XXYLT1: variants seen among roughly 807,000 people sequenced by gnomAD.
XXYLT1 encodes the protein UDP-xylose:alpha-xyloside alpha-1,3-xylosyltransferase.
In XXYLT1, 20 loss-of-function variants were observed where a neutral mutation model predicts 28.9. The observed-to-expected ratio is 0.69, with a 90% confidence interval of 0.49 to 1.00. The LOEUF (loss-of-function observed/expected upper bound fraction) is 1.00. Among genes scored for constraint, XXYLT1 ranks in the 50% least tolerant of loss-of-function variants. The pLI is 0.00. For synonymous variants in XXYLT1, 257 were observed against 253.8 expected (o/e 1.01, Z -0.12); for missense variants, 542 against 560.1 (o/e 0.97, Z 0.33).
intron 3 of XXYLT1, among the ~76,000 whole-genome samples, chr3:195,126,348 G>A (rs1297362965): frequency 6.6e-6 from 1 of 152,252 alleles, no homozygotes; most frequent in Non-Finnish European, 1.5e-5. Context: ...CAGGTCAGAA[G>A]TTGCCTTCCC....
intron 2 of XXYLT1, among the ~76,000 whole-genome samples, chr3:195,157,242 CAAAAAAAA>C (rs34312884): frequency 2.7e-5 from 2 of 73,820 alleles, no homozygotes; most frequent in African/African-American, 5.6e-5. Flanking sequence ...GGCGCCATCT[CAAAAAAAA>C]AAAAAAAAAA....
In XXYLT1 at chr3:195,076,495, CCT is replaced by C. The variant is rs1241546159; in HGVS notation, c.786-6386_786-6385del. On this transcript the variant is annotated intron_variant, in intron 3 of 3. Transcript: ENST00000310380. This position sits in a 1 kb window ranked among gnomAD's most constrained non-coding sequence, Gnocchi z 5.3. ...AAGCCAAGCATTCTGGAGAGTTGCC[CCT>C]GTTACAGCCTGCACAGTGGGCCTCA... is the stretch of plus-strand genomic sequence containing the variant. Among the ~76,000 whole-genome samples, 5 of 152,146 alleles carry C rather than the reference CCT, an allele frequency of 3.3e-5. No individual in the cohort carries two copies. The highest frequency in any genetic ancestry group is 7.3e-5 in the Non-Finnish European group (5 of 68,030).
chr3:195,167,356 C>T (rs1560131105), intron 2 of XXYLT1, among the ~76,000 whole-genome samples: 2 of 152,082 alleles, frequency 1.3e-5, no homozygotes, highest in Non-Finnish European at 2.9e-5. Context: ...TTTGGGAGGC[C>T]GAGGCGGATG....
intron 2 of XXYLT1, among the ~76,000 whole-genome samples, chr3:195,197,753 C>G (rs182374033): frequency 6.6e-6 from 1 of 152,242 alleles, no homozygotes; most frequent in Admixed American, 6.5e-5. Flanking sequence ...CTTCACATTG[C>G]TAAATCTAGT....
At chr3:195,082,131 G>C (rs762451986) in intron 3 of XXYLT1, among the ~76,000 whole-genome samples, 29 of 152,218 alleles carry the variant, frequency 1.9e-4, no homozygotes, top group Admixed American at 2.0e-4. Flanking sequence ...AAAGCCTCAC[G>C]ATGGATCCAG....
At chr3:195,227,609 G>A (rs1724113723) in intron 1 of XXYLT1, among the ~76,000 whole-genome samples, 1 of 152,166 alleles carries the variant, frequency 6.6e-6, no homozygotes, top group African/African-American at 2.4e-5. Context: ...ACAACCTAGG[G>A]CTTCTGTGAG....
intron 2 of XXYLT1, among the ~76,000 whole-genome samples, chr3:195,198,199 T>C (rs1560147627): frequency 1.3e-5 from 2 of 152,062 alleles, no homozygotes; most frequent in Non-Finnish European, 2.9e-5. Flanking sequence ...GACACAAACA[T>C]CTCAGAAGTA....
At chr3:195,224,809 G>A (rs74460445) in intron 2 of XXYLT1, among the ~76,000 whole-genome samples, 3,940 of 152,280 alleles carry the variant, frequency 0.026, 186 homozygotes, top group African/African-American at 0.089. Flanking sequence ...GCTCACTGCC[G>A]CAGCCCCTCA....
intron 2 of XXYLT1, among the ~76,000 whole-genome samples, chr3:195,221,131 T>A (rs1723805434): frequency 6.6e-6 from 1 of 152,130 alleles, no homozygotes; most frequent in South Asian, 2.1e-4. Context: ...AAACATCAGA[T>A]AAATCCTAAT....
At chr3:195,142,776 G>A (rs1250807195) in intron 3 of XXYLT1, among the ~76,000 whole-genome samples, 2 of 152,244 alleles carry the variant, frequency 1.3e-5, no homozygotes, top group African/African-American at 2.4e-5. Context: ...TTGCTTGGGA[G>A]GCAGCGCCGA....
chr3:195,127,675 G>A (rs1718705185), intron 3 of XXYLT1, among the ~76,000 whole-genome samples: 1 of 152,136 alleles, frequency 6.6e-6, no homozygotes, highest in South Asian at 2.1e-4. Flanking sequence ...TACTTGGGAG[G>A]CTGAGGCAGG....
At position 195,076,081 on chromosome 3, in the gene XXYLT1, G is replaced by A. The variant is rs773953185; in HGVS notation, c.786-5970C>T. Reference sequence around the variant, plus strand: ...ACCAGCACCACGGCCTCCGCCTCCTGGAGCCTCTCCCCGCACGCTGGAGGC... The same window carrying A: ...ACCAGCACCACGGCCTCCGCCTCCTAGAGCCTCTCCCCGCACGCTGGAGGC... On this transcript the variant is annotated intron_variant, in intron 3 of 3. Transcript: ENST00000310380. This position sits in a 1 kb window ranked among gnomAD's most constrained non-coding sequence, Gnocchi z 5.3. Among the ~76,000 whole-genome samples, 5 of 152,190 alleles carry A rather than the reference G, an allele frequency of 3.3e-5. No homozygotes were observed. The highest frequency in any genetic ancestry group is 7.3e-5 in the Non-Finnish European group (5 of 68,036).
chr3:195,269,013 G>A (rs74754678), intron 1 of XXYLT1, among the ~76,000 whole-genome samples: 3,938 of 152,278 alleles, frequency 0.026, 151 homozygotes, highest in African/African-American at 0.086. Flanking sequence ...TCTGAAGATG[G>A]GCAAGACTTG....
At chr3:195,228,627 T>C (rs1197605117) in intron 1 of XXYLT1, among the ~76,000 whole-genome samples, 1 of 151,040 alleles carries the variant, frequency 6.6e-6, no homozygotes, top group Admixed American at 6.6e-5. Flanking sequence ...TATCTGGGAC[T>C]ACAGACGCCC....
At position 195,226,801 on chromosome 3, in the gene XXYLT1, G is replaced by A; in HGVS notation, c.560C>T (p.Ala187Val). ...GCCAGCACTGAAGTGCTTCTGCATG[G>A]CCTCCACGATGGGGAAGAGCTTATC... ...LTDKLFPIVE[A>V]MQKHFSAGLG... The change falls in exon 2 of 4, where the codon GCC (alanine) becomes GTC (valine). Residue 187 changes from alanine to valine, a missense_variant. Coordinates refer to ENST00000310380, the MANE Select transcript of XXYLT1 (RefSeq NM_152531.5). 6.2e-7 allele frequency: 1 copy of A among 1,613,788 alleles called. No individual in the cohort carries two copies. Among genetic ancestry groups the A allele is most frequent in the Non-Finnish European group, 8.5e-7 (1 of 1,179,974 alleles).
intron 3 of XXYLT1, among the ~76,000 whole-genome samples, chr3:195,074,357 G>T (rs1434802774): frequency 6.6e-6 from 1 of 152,210 alleles, no homozygotes; most frequent in Non-Finnish European, 1.5e-5. Context: ...TCACTGAAGG[G>T]CCAGCATCTG....
chr3:195,071,573 G>A (rs756902814), intron 3 of XXYLT1, among the ~76,000 whole-genome samples: 10 of 152,142 alleles, frequency 6.6e-5, no homozygotes, highest in Non-Finnish European at 1.3e-4. Context: ...GAGTGGAACC[G>A]AGCTCTGGTG....
At chr3:195,153,950 A>G (rs576903807) in intron 3 of XXYLT1, 17 of 152,356 alleles carry the variant, frequency 1.1e-4, no homozygotes, top group South Asian at 4.1e-4. Context: ...GTAACCCCCA[A>G]TGCCAGAGCC....
At chr3:195,259,340 C>A (rs1308428893) in intron 1 of XXYLT1, among the ~76,000 whole-genome samples, 1 of 152,280 alleles carries the variant, frequency 6.6e-6, no homozygotes, top group East Asian at 1.9e-4. Context: ...AGTGGCCTCT[C>A]AGAGTCAGAG....
Sources: gnomAD v4.1 joint callset for allele counts (sites outside exome capture counted in the v4.1 genomes callset) on GRCh38, gnomAD v4.1.1 for gene constraint, Gnocchi (gnomAD v3.1) non-coding constraint, MANE v1.5 for transcripts, NCBI Gene and HGNC (gene_info 2026-07-23, HGNC 2026-07-21) for gene names.